Variants in AGBL4 observed in about 807,000 individuals in gnomAD.
AGBL4 encodes the protein AGBL carboxypeptidase 4, also known as cytosolic carboxypeptidase 6.
A neutral mutation model predicts 66.4 loss-of-function variants in AGBL4; 58 were observed. That is an observed-to-expected ratio of 0.87 (90% CI 0.71 to 1.09). The LOEUF (loss-of-function observed/expected upper bound fraction) is 1.09. Among genes scored for constraint, AGBL4 ranks in the 50% least tolerant of loss-of-function variants. AGBL4 has a pLI of 0.00. For missense variants in AGBL4, 579 were observed against 631.0 expected (o/e 0.92, Z 0.88); for synonymous variants, 234 against 222.9 (o/e 1.05, Z -0.44).
At chr1:48,688,799 C>T (rs1422101107) in intron 6 of AGBL4, among the ~76,000 whole-genome samples, 2 of 144,268 alleles carry the variant, frequency 1.4e-5, no homozygotes, top group Non-Finnish European at 3.1e-5. Context: ...TTGCAAAGCT[C>T]TTTTTTTTTT....
chr1:49,035,769 G>C (rs973053859), intron 5 of AGBL4, among the ~76,000 whole-genome samples: 1 of 151,996 alleles, frequency 6.6e-6, no homozygotes, highest in Non-Finnish European at 1.5e-5. Context: ...GCTCTCTCCT[G>C]CCCTGCTCAT....
intron 6 of AGBL4, among the ~76,000 whole-genome samples, chr1:48,827,605 C>T (rs1558022490): frequency 6.6e-6 from 1 of 152,200 alleles, no homozygotes; most frequent in Non-Finnish European, 1.5e-5. Context: ...TCAACTTCAA[C>T]TCAAGGCAAA....
intron 6 of AGBL4, among the ~76,000 whole-genome samples, chr1:48,797,435 T>C (rs1645710634): frequency 6.6e-6 from 1 of 152,194 alleles, no homozygotes; most frequent in African/African-American, 2.4e-5. Context: ...TGCATCCTCA[T>C]AGCTTAGCTC....
intron 5 of AGBL4, among the ~76,000 whole-genome samples, chr1:48,948,990 C>T (rs1426752631): frequency 1.3e-5 from 2 of 152,178 alleles, no homozygotes; most frequent in South Asian, 2.1e-4. Context: ...GACGTTTCAT[C>T]TGAGGAACCA....
chr1:49,088,784 A>G (rs563918923), intron 4 of AGBL4, among the ~76,000 whole-genome samples: 53 of 152,210 alleles, frequency 3.5e-4, no homozygotes, highest in African/African-American at 1.3e-3. Flanking sequence ...TCCAACCAAA[A>G]CAACAGAATA....
intron 6 of AGBL4, among the ~76,000 whole-genome samples, chr1:48,836,087 G>A (rs1646663496): frequency 6.6e-6 from 1 of 151,992 alleles, no homozygotes; most frequent in African/African-American, 2.4e-5. Flanking sequence ...GAAAGAGAAT[G>A]ACATTTTGGA....
chr1:49,643,301 A>G (rs1039877860), intron 3 of AGBL4, among the ~76,000 whole-genome samples: 5 of 151,664 alleles, frequency 3.3e-5, no homozygotes, highest in Admixed American at 6.6e-5. Context: ...AATAGAGGGG[A>G]AAAAAAGACA....
intron 6 of AGBL4, among the ~76,000 whole-genome samples, chr1:48,745,449 G>A (rs1311965791): frequency 1.3e-5 from 2 of 152,182 alleles, no homozygotes; most frequent in African/African-American, 4.8e-5. Context: ...GGACATCAGA[G>A]GGAGCAGGGG....
At chr1:49,769,916 G>A (rs1483183928) in intron 2 of AGBL4, among the ~76,000 whole-genome samples, 4 of 152,264 alleles carry the variant, frequency 2.6e-5, no homozygotes, top group Admixed American at 6.5e-5. Flanking sequence ...AAGAATTCAT[G>A]ACTAATTCAT....
In AGBL4 at chr1:49,341,798, C is replaced by T. The variant is rs375640903; in HGVS notation, c.283-95934G>A. 1.9e-4 allele frequency among the ~76,000 whole-genome samples: 29 copies of T among 152,268 alleles called. 1 individual carries two copies. In the East Asian group the frequency reaches 1.9e-3, roughly 10 times the overall value. Reference sequence around the variant, plus strand: ...GAAGCCACCTGAACTTCGGATTCAGCGTTCAGATGGGTCTTTCTCTAGCCA... The same window carrying T: ...GAAGCCACCTGAACTTCGGATTCAGTGTTCAGATGGGTCTTTCTCTAGCCA... On this transcript the variant is annotated intron_variant, in intron 3 of 13. Coordinates refer to ENST00000371839, the MANE Select transcript of AGBL4 (RefSeq NM_032785.4).
intron 3 of AGBL4, among the ~76,000 whole-genome samples, chr1:49,486,040 GA>G (rs1208398750): frequency 2.0e-5 from 3 of 151,962 alleles, no homozygotes; most frequent in African/African-American, 7.2e-5. Context: ...ACCCTGATGT[GA>G]AGATGCTATT....
chr1:48,646,120 C>T (rs1645831418), intron 8 of AGBL4, among the ~76,000 whole-genome samples: 1 of 152,126 alleles, frequency 6.6e-6, no homozygotes, highest in Non-Finnish European at 1.5e-5. Context: ...GTGGCATCAG[C>T]ACAGCATGAT....
At chr1:49,515,835 C>T (rs1431561532) in intron 3 of AGBL4, among the ~76,000 whole-genome samples, 5 of 138,202 alleles carry the variant, frequency 3.6e-5, no homozygotes, top group African/African-American at 5.5e-5. Context: ...GGGAATTGAA[C>T]AATGAGAACA....
At chr1:49,476,363 T>A (rs1377340759) in intron 3 of AGBL4, among the ~76,000 whole-genome samples, 1 of 152,092 alleles carries the variant, frequency 6.6e-6, no homozygotes, top group Non-Finnish European at 1.5e-5. Context: ...CATGTGCAGA[T>A]GACAACGTAC....
intron 4 of AGBL4, among the ~76,000 whole-genome samples, chr1:49,091,084 A>G (rs565052790): frequency 1.3e-5 from 2 of 152,162 alleles, no homozygotes; most frequent in Admixed American, 1.3e-4. Context: ...ACAAAAATAA[A>G]CTCAAGATGG....
At chr1:49,206,237 C>T (rs1648118733) in intron 4 of AGBL4, among the ~76,000 whole-genome samples, 1 of 152,086 alleles carries the variant, frequency 6.6e-6, no homozygotes, top group South Asian at 2.1e-4. Flanking sequence ...TTCTATTCCT[C>T]TGTTTTCAGC....
chr1:49,168,454 A>T (rs925426329), intron 4 of AGBL4, among the ~76,000 whole-genome samples: 1 of 152,176 alleles, frequency 6.6e-6, no homozygotes, highest in East Asian at 1.9e-4. Context: ...CTATGGAAAG[A>T]TCACCTGGCA....
At chr1:49,780,345 T>C (rs767107211) in intron 2 of AGBL4, among the ~76,000 whole-genome samples, 38 of 151,908 alleles carry the variant, frequency 2.5e-4, no homozygotes, top group Non-Finnish European at 4.6e-4. Flanking sequence ...CCAAAAGAGG[T>C]GGGCAAGAAC....
chr1:48,679,966 G>C (rs1165192615), intron 6 of AGBL4, among the ~76,000 whole-genome samples: 1 of 152,160 alleles, frequency 6.6e-6, no homozygotes, highest in African/African-American at 2.4e-5. Context: ...ACCTCCCCTG[G>C]GGAGAGACTG....
Sources: gnomAD v4.1 joint callset for allele counts (sites outside exome capture counted in the v4.1 genomes callset) on GRCh38, gnomAD v4.1.1 for gene constraint, MANE v1.5 for transcripts, NCBI Gene and HGNC (gene_info 2026-07-23, HGNC 2026-07-21) for gene names.